SMC1A: variants seen among roughly 807,000 people sequenced by gnomAD.
SMC1A encodes structural maintenance of chromosomes 1A, also known as structural maintenance of chromosomes protein 1A.
A neutral mutation model predicts 94.5 loss-of-function variants in SMC1A; 4 were observed. The ratio of observed to expected loss-of-function variants is 0.04; its 90% CI spans 0.02 to 0.10. The LOEUF is 0.10. Ranked by LOEUF, SMC1A falls within the 10% of genes least tolerant of loss-of-function variation. SMC1A has a pLI of 1.00. For missense variants in SMC1A, 304 were observed against 989.0 expected, an observed-to-expected ratio of 0.31 and a Z score of 9.29; for synonymous variants, 345 against 347.7, an observed-to-expected ratio of 0.99 and a Z score of 0.09.
At chrX:53,394,740 ACCCCC>A in intron 19 of SMC1A, 33 bp downstream of exon 19, 1 of 351,505 alleles carries the variant, frequency 2.8e-6, no homozygotes, top group Non-Finnish European at 5.1e-6. Context: ...CTCCCACCCA[ACCCCC>A]ACCCCCACCA....
In SMC1A at chrX:53,382,369, A is replaced by G; in HGVS notation, c.3300T>C (p.Pro1100=). The change falls in exon 22 of 25, where the codon CCT becomes CCC. Residue 1100 remains proline (P), a synonymous_variant. Coordinates refer to ENST00000322213, the MANE Select transcript of SMC1A (RefSeq NM_006306.4). ...CCAAGTAGGGCTCTTCAGGGTTCTC[A>G]GGGCCCAGGAATGCCTAGGGGAAGG... ...RNSSAQAFLG[P]ENPEEPYLDG... 1 of 1,207,439 alleles carries G rather than the reference A, an allele frequency of 8.3e-7. No homozygotes were observed. Among genetic ancestry groups the G allele is most frequent in the South Asian group, 1.8e-5 (1 of 56,279 alleles).
At chrX:53,417,321 C>T (rs372772809) in intron 1 of SMC1A, among the ~76,000 whole-genome samples, 92 of 108,560 alleles carry the variant, frequency 8.5e-4, no homozygotes, top group African/African-American at 2.7e-3. Flanking sequence ...GTGGCCGAGG[C>T]GGGCGGATCA....
chrX:53,409,482 G>A lies in SMC1A; in HGVS notation c.1276C>T (p.Arg426Trp). The A allele has an allele frequency of 8.3e-7, 1 of 1,209,735 alleles. No homozygotes were observed. Residue 426 changes from arginine to tryptophan, a missense_variant, in exon 8 of 25, where the codon CGG becomes TGG. By Grantham distance (101) the Arg-to-Trp change is moderately radical. Around this residue, in one of 11 missense-constraint regions of SMC1A, gnomAD observed 120 missense variants for 314.9 expected, o/e 0.38. Coordinates refer to ENST00000322213, the MANE Select transcript of SMC1A (RefSeq NM_006306.4). ...CGCTTCTGATTCTCTTCAATTTCCCGCAGCTTTTGCTTGATCTTGGCCTGG... is the reference window on the plus strand; with the variant it reads ...CGCTTCTGATTCTCTTCAATTTCCCACAGCTTTTGCTTGATCTTGGCCTGG... ...ETEAKIKQKL[R>W]EIEENQKRIE...
At chrX:53,398,061 C>A (rs1052497254) in intron 16 of SMC1A, among the ~76,000 whole-genome samples, 12 of 108,746 alleles carry the variant, frequency 1.1e-4, no homozygotes, top group African/African-American at 4.0e-4. Flanking sequence ...TGGCGGGTGC[C>A]TGTAATTCCA....
At chrX:53,380,977 C>G (rs1556885804) in intron 23 of SMC1A, 41 bp downstream of exon 23, 1 of 1,123,183 alleles carries the variant, frequency 8.9e-7, no homozygotes, top group Non-Finnish European at 1.2e-6. Context: ...CAACCCCGAC[C>G]TGGGGGCATC....
Position 53,383,222 on chromosome X carries a change from T to G in SMC1A, c.3005A>C (p.Glu1002Ala). The change falls in exon 20 of 25, where the codon GAG becomes GCG. Residue 1002 changes from glutamate to alanine, a missense_variant. This residue lies in a region of SMC1A where 17 missense variants were observed against 44.7 expected (regional missense o/e 0.38). Coordinates refer to ENST00000322213, the MANE Select transcript of SMC1A (RefSeq NM_006306.4). ...DAQAEEEIKQ[E>A]MNTLQQKLNE... The stretch of plus-strand genomic sequence containing the variant: ...CAGCTTCTGCTGCAGTGTGTTCATC[T>G]CTTGCTTGATCTCTTCCTCAGCCTG... 8.5e-7 allele frequency: 1 copy of G among 1,180,177 alleles called. No homozygotes were observed. Among genetic ancestry groups the G allele is most frequent in the South Asian group, 1.9e-5 (1 of 53,722 alleles).
intron 23 of SMC1A, 83 bp downstream of exon 23, chrX:53,380,935 T>C: frequency 2.4e-6 from 2 of 847,146 alleles, no homozygotes; most frequent in East Asian, 3.1e-5. Context: ...CAGGAACGGC[T>C]AGGGCACGCT....
chrX:53,388,760 G>A (rs782496344), intron 19 of SMC1A, among the ~76,000 whole-genome samples: 156 of 109,479 alleles, frequency 1.4e-3, no homozygotes, highest in African/African-American at 4.5e-3. Flanking sequence ...CACTCTGGGA[G>A]GCCGAGGCGG....
At chrX:53,394,731 T>TCCCCCCCCCCCCCCCCC in intron 19 of SMC1A, 47 bp downstream of exon 19, 1 of 416,232 alleles carries the variant, frequency 2.4e-6, no homozygotes, top group Admixed American at 3.3e-5. Flanking sequence ...ATAGTCCCAC[T>TCCCCCCCCCCCCCCCCC]CCCACCCAAC....
In SMC1A at chrX:53,399,750, G is replaced by A. The variant is rs1282673050; in HGVS notation, c.2421-20C>T. 25 of 1,195,002 alleles carry A rather than the reference G, an allele frequency of 2.1e-5. No homozygotes were observed. Among genetic ancestry groups the A allele is most frequent in the Non-Finnish European group, 2.7e-5 (24 of 884,068 alleles). On this transcript the variant is annotated intron_variant, in intron 15 of 24. Transcript: ENST00000322213. The stretch of plus-strand genomic sequence containing the variant: ...TCCAAACTGTGTATAAAGGTGGGGG[G>A]AGAATCACTCATAATCTCATCAGCC...
At position 53,415,052 on chromosome X, in the gene SMC1A, T is replaced by C. The variant is rs200243549; in HGVS notation, c.227A>G (p.Asn76Ser). 4.2e-5 allele frequency: 51 copies of C among 1,209,257 alleles called. No homozygotes were observed. Among genetic ancestry groups the C allele is most frequent in the Non-Finnish European group, 5.6e-5 (50 of 895,078 alleles). Residue 76 changes from asparagine to serine, a missense_variant, in exon 2 of 25, where the codon AAC becomes AGC. Physicochemically the swap from Asn to Ser is conservative, Grantham distance 46 (BLOSUM62 1). Transcript: ENST00000322213. ...GTAGACCATGCTGACAAAGGCCCGG[T>C]TGGCAGCTGGCTTGCCCACAGGAGC... ...HGAPVGKPAA[N>S]RAFVSMVYSE...
At chrX:53,386,227 C>T (rs2075604074) in intron 19 of SMC1A, among the ~76,000 whole-genome samples, 1 of 110,981 alleles carries the variant, frequency 9.0e-6, no homozygotes, top group Non-Finnish European at 1.9e-5. Flanking sequence ...TAATGTGGGA[C>T]ATTTTCCAAG....
At chrX:53,392,299 G>C (rs1179171631) in intron 19 of SMC1A, among the ~76,000 whole-genome samples, 8 of 108,862 alleles carry the variant, frequency 7.3e-5, no homozygotes, top group Non-Finnish European at 1.5e-4. Context: ...GGCTGAGGAA[G>C]GAGAATCGAG....
rs1340091096 is a variant in SMC1A at position 53,413,218 on chromosome X, G to A, written c.615+14C>T. The A allele has an allele frequency of 1.7e-6, 2 of 1,209,861 alleles. No individual in the cohort carries two copies. The highest frequency in any genetic ancestry group is 3.0e-5 in the East Asian group (1 of 33,760). On this transcript the variant is annotated intron_variant, in intron 4 of 24. Coordinates refer to ENST00000322213, the MANE Select transcript of SMC1A (RefSeq NM_006306.4). Reference sequence around the variant, plus strand: ...CCTGGTCCCTCAGAGCCAAGAGGTAGCTTGGCCACCTACCTCTTCTTTCTC... The same window carrying A: ...CCTGGTCCCTCAGAGCCAAGAGGTAACTTGGCCACCTACCTCTTCTTTCTC...
chrX:53,389,117 G>GC (rs1306965481), intron 19 of SMC1A, among the ~76,000 whole-genome samples: 3 of 84,617 alleles, frequency 3.5e-5, no homozygotes, highest in Non-Finnish European at 7.1e-5. Context: ...AACCATTTTT[G>GC]TTTTTTTTTT....
chrX:53,385,611 C>T (rs2075601952), intron 19 of SMC1A, among the ~76,000 whole-genome samples: 1 of 110,200 alleles, frequency 9.1e-6, no homozygotes, highest in South Asian at 3.9e-4. Context: ...GAAAGCTACA[C>T]AATAGTGTAT....
At chrX:53,385,318 T>C (rs2075600599) in intron 19 of SMC1A, among the ~76,000 whole-genome samples, 1 of 102,987 alleles carries the variant, frequency 9.7e-6, no homozygotes, top group African/African-American at 3.6e-5. Flanking sequence ...TCGCCCAAGC[T>C]GGAGTGCAGT....
intron 1 of SMC1A, among the ~76,000 whole-genome samples, chrX:53,416,395 GT>G (rs782543346): frequency 9.6e-6 from 1 of 104,672 alleles, no homozygotes; most frequent in Non-Finnish European, 2.0e-5. Flanking sequence ...AAAATGGGAG[GT>G]TTTTTTTTCT....
At chrX:53,392,563 T>C (rs2075633848) in intron 19 of SMC1A, among the ~76,000 whole-genome samples, 1 of 110,560 alleles carries the variant, frequency 9.0e-6, no homozygotes, top group African/African-American at 3.3e-5. Flanking sequence ...CGATTCTGCC[T>C]CAGCCTTCTG....
Sources: gnomAD v4.1 joint callset for allele counts (sites outside exome capture counted in the v4.1 genomes callset) on GRCh38, gnomAD v4.1.1 for gene constraint, gnomAD v4.1.1 regional missense constraint, MANE v1.5 for transcripts, NCBI Gene and HGNC (gene_info 2026-07-23, HGNC 2026-07-21) for gene names.